ADAMTSL3: variants seen among roughly 807,000 people sequenced by gnomAD.
ADAMTSL3 encodes ADAMTS like 3.
ADAMTSL3 carries 128 observed loss-of-function variants against 201.7 expected under a neutral mutation model. The ratio of observed to expected loss-of-function variants is 0.63; its 90% CI spans 0.55 to 0.73. The LOEUF (loss-of-function observed/expected upper bound fraction) is 0.73, where lower values mean the gene tolerates loss of function less well. Ranked by LOEUF, ADAMTSL3 falls within the 30% of genes least tolerant of loss-of-function variation. The probability of loss-of-function intolerance (pLI) is 0.00; values close to 1 mark genes in which losing one functional copy is unlikely to be tolerated. For missense variants in ADAMTSL3, 1,990 were observed against 2,119.6 expected, an observed-to-expected ratio of 0.94 and a Z score of 1.20; for synonymous variants, 738 against 748.4, an observed-to-expected ratio of 0.99 and a Z score of 0.23.
At chr15:83,889,777 G>A (rs1011241678) in intron 10 of ADAMTSL3, among the ~76,000 whole-genome samples, 15 of 152,136 alleles carry the variant, frequency 9.9e-5, no homozygotes, top group African/African-American at 2.9e-4. Flanking sequence ...TTTTTAGTTC[G>A]AAGTGCTGAG....
At chr15:83,735,683 T>C (rs2062359173) in intron 3 of ADAMTSL3, among the ~76,000 whole-genome samples, 1 of 151,962 alleles carries the variant, frequency 6.6e-6, no homozygotes, top group Admixed American at 6.6e-5. Context: ...TTTGTTTTGC[T>C]TTTTGTTTTT....
At chr15:83,881,536 TTTC>T (rs1271726012) in intron 9 of ADAMTSL3, among the ~76,000 whole-genome samples, 4 of 152,218 alleles carry the variant, frequency 2.6e-5, no homozygotes, top group African/African-American at 7.2e-5. Context: ...GCATGGTAGT[TTTC>T]TGATGCACTA....
chr15:83,917,523 C>T (rs1456389058), intron 16 of ADAMTSL3, among the ~76,000 whole-genome samples: 1 of 152,008 alleles, frequency 6.6e-6, no homozygotes, highest in Non-Finnish European at 1.5e-5. Flanking sequence ...TGTGTGCACA[C>T]ACATACTCAT....
At chr15:83,930,080 T>C (rs975505953) in intron 17 of ADAMTSL3, among the ~76,000 whole-genome samples, 4 of 152,138 alleles carry the variant, frequency 2.6e-5, no homozygotes, top group African/African-American at 9.7e-5. Context: ...AAATTGGAAA[T>C]GGATCAGGGA....
chr15:84,004,800 G>A (rs904019683), intron 23 of ADAMTSL3, among the ~76,000 whole-genome samples: 2 of 152,214 alleles, frequency 1.3e-5, no homozygotes, highest in Non-Finnish European at 2.9e-5. Flanking sequence ...TAAGAATGAG[G>A]AGAAATGTTC....
chr15:84,016,034 C>T (rs1241661161), intron 24 of ADAMTSL3, among the ~76,000 whole-genome samples: 1 of 152,200 alleles, frequency 6.6e-6, no homozygotes, highest in Non-Finnish European at 1.5e-5. Context: ...TCTCTTGCTC[C>T]CAGCATTCCT....
At chr15:83,764,175 G>A (rs1291821278) in intron 3 of ADAMTSL3, among the ~76,000 whole-genome samples, 1 of 152,146 alleles carries the variant, frequency 6.6e-6, no homozygotes, top group African/African-American at 2.4e-5. Flanking sequence ...ATCTAGTCTA[G>A]GCTCTTGTCT....
intron 17 of ADAMTSL3, among the ~76,000 whole-genome samples, chr15:83,927,116 TC>T (rs2066261424): frequency 6.6e-6 from 1 of 151,514 alleles, no homozygotes; most frequent in Admixed American, 6.6e-5. Flanking sequence ...TTTCTTTCTT[TC>T]TTTCTTTTTT....
In ADAMTSL3 at chr15:83,718,690, C is replaced by CAA. The variant is rs35735223; in HGVS notation, c.189+14199_189+14200dup. ...TGGGTGACAGAGTGAGACTCCGTCT[C>CAA]AAAAAAAAAAAAAAAAAATTGGGAC... On this transcript the variant is annotated intron_variant, in intron 3 of 29. Transcript: ENST00000286744. 2.1e-3 allele frequency among the ~76,000 whole-genome samples: 187 copies of CAA among 87,128 alleles called. 1 individual carries two copies. The highest frequency in any genetic ancestry group is 3.0e-3 in the Admixed American group (30 of 9,960). 57.2% of individuals were successfully genotyped at this position (87,128 alleles called of 152,430 possible). A position where few individuals can be genotyped will look rare whatever the true frequency, so the allele number is the denominator to read the frequency against.
intron 15 of ADAMTSL3, among the ~76,000 whole-genome samples, chr15:83,911,141 T>C (rs1055830318): frequency 2.0e-5 from 3 of 152,132 alleles, no homozygotes. Context: ...CTTTTAAAAA[T>C]ATAAAGTAAA....
At chr15:83,706,907 G>A (rs534094482) in intron 3 of ADAMTSL3, among the ~76,000 whole-genome samples, 2 of 152,052 alleles carry the variant, frequency 1.3e-5, no homozygotes, top group Non-Finnish European at 2.9e-5. Context: ...GGGCTCAAGC[G>A]ATCTGCTCTC....
At chr15:83,953,102 A>G (rs974788934) in intron 19 of ADAMTSL3, among the ~76,000 whole-genome samples, 1 of 152,102 alleles carries the variant, frequency 6.6e-6, no homozygotes, top group African/African-American at 2.4e-5. Flanking sequence ...GTGCCTTTTG[A>G]TTGGGGAGTT....
chr15:83,840,641 A>G (rs2064354110), intron 7 of ADAMTSL3, among the ~76,000 whole-genome samples: 2 of 152,220 alleles, frequency 1.3e-5, no homozygotes, highest in African/African-American at 4.8e-5. Flanking sequence ...AGAAGGAACC[A>G]TCAACAACAG....
At chr15:83,822,074 C>T (rs1399874634) in intron 6 of ADAMTSL3, among the ~76,000 whole-genome samples, 3 of 144,188 alleles carry the variant, frequency 2.1e-5, no homozygotes, top group Admixed American at 6.8e-5. Context: ...GTAGGGGCGG[C>T]CGGGCAGAGG....
In ADAMTSL3 at chr15:83,766,301, G is replaced by C. The variant is rs142030433; in HGVS notation, c.190-7222G>C. On this transcript the variant is annotated intron_variant, in intron 3 of 29. Transcript: ENST00000286744. ...GGCCAGATCCACATTGTATTCACAG[G>C]GCACTGAGCACAGAGCCTTGAACTT... 1.3e-3 allele frequency among the ~76,000 whole-genome samples: 193 copies of C among 152,276 alleles called. 1 individual carries two copies. The highest frequency in any genetic ancestry group is 4.4e-3 in the African/African-American group (181 of 41,560).
intron 3 of ADAMTSL3, among the ~76,000 whole-genome samples, chr15:83,751,926 C>T (rs1008518448): frequency 1.3e-5 from 2 of 152,112 alleles, no homozygotes; most frequent in African/African-American, 4.8e-5. Flanking sequence ...TAAAAATCAT[C>T]AATAGTAGCG....
At chr15:83,714,800 TTTCTTTC>T (rs2061984219) in intron 3 of ADAMTSL3, among the ~76,000 whole-genome samples, 1 of 147,016 alleles carries the variant, frequency 6.8e-6, no homozygotes, top group Non-Finnish European at 1.5e-5. Flanking sequence ...TTTCTCTCTC[TTTCTTTC>T]TTCTTTCTTT....
At chr15:83,773,911 T>C (rs937719808) in intron 4 of ADAMTSL3, among the ~76,000 whole-genome samples, 2 of 152,154 alleles carry the variant, frequency 1.3e-5, no homozygotes, top group African/African-American at 4.8e-5. Flanking sequence ...GCACTTTAAG[T>C]CACTGGTTTA....
chr15:83,867,454 A>G (rs2065001122), intron 8 of ADAMTSL3, among the ~76,000 whole-genome samples: 1 of 152,222 alleles, frequency 6.6e-6, no homozygotes, highest in Admixed American at 6.5e-5. Context: ...AAACCTTAGC[A>G]TTAAATGTGT....
Sources: allele counts gnomAD v4.1 joint callset (sites outside exome capture counted in the v4.1 genomes callset), GRCh38; gene constraint gnomAD v4.1.1; transcripts MANE v1.5; gene names NCBI Gene and HGNC (gene_info 2026-07-23, HGNC 2026-07-21).